Variants in CAMK2D observed in about 807,000 individuals in gnomAD.
CAMK2D encodes calcium/calmodulin dependent protein kinase II delta.
In CAMK2D, 37 loss-of-function variants were observed where a neutral mutation model predicts 84.0. The observed-to-expected ratio is 0.44, with a 90% CI of 0.34 to 0.58. The LOEUF (loss-of-function observed/expected upper bound fraction) is 0.58. Among genes scored for constraint, CAMK2D ranks in the 20% least tolerant of loss-of-function variants. The pLI is 0.02. For synonymous variants in CAMK2D, 202 were observed against 212.5 expected (o/e 0.95, Z 0.43); for missense variants, 448 against 652.5 (o/e 0.69, Z 3.41).
At chr4:113,528,132 G>A (rs762523724) in intron 8 of CAMK2D, among the ~76,000 whole-genome samples, 2 of 152,032 alleles carry the variant, frequency 1.3e-5, no homozygotes, top group Non-Finnish European at 2.9e-5. Context: ...TGATAATCAC[G>A]CCAATAATGC....
chr4:113,761,422 G>C lies in CAMK2D; in HGVS notation c.-354C>G. ...GGCCGGGAAATGGAAAAACAGCCAG[G>C]CACGGGACGAGTGGCAAGCAGTTGC... is the stretch of plus-strand genomic sequence containing the variant. On this transcript the variant is annotated 5_prime_UTR_variant, in exon 1 of 21. Transcript: ENST00000511664. The C allele has an allele frequency of 8.3e-7, 1 of 1,210,666 alleles. No homozygotes were observed. Among genetic ancestry groups the C allele is most frequent in the African/African-American group, 1.6e-5 (1 of 64,248 alleles). 75.0% of individuals were successfully genotyped at this position (1,210,666 alleles called of 1,614,324 possible). A position where few individuals can be genotyped will look rare whatever the true frequency, so the allele number is the denominator to read the frequency against.
chr4:113,610,029 CT>C (rs1011862010), intron 3 of CAMK2D, among the ~76,000 whole-genome samples: 57 of 145,562 alleles, frequency 3.9e-4, no homozygotes, highest in Admixed American at 1.0e-3. Flanking sequence ...AGAGTGAATT[CT>C]TTTTTTTTTT....
chr4:113,550,742 C>A (rs1207247067), intron 5 of CAMK2D, among the ~76,000 whole-genome samples: 6 of 152,160 alleles, frequency 3.9e-5, no homozygotes, highest in African/African-American at 1.4e-4. Flanking sequence ...TTCCCCATGG[C>A]CCCTTTCAGG....
At chr4:113,462,532 G>A (rs1433094763) in intron 17 of CAMK2D, among the ~76,000 whole-genome samples, 1 of 152,088 alleles carries the variant, frequency 6.6e-6, no homozygotes. Flanking sequence ...TGGAAGCCCT[G>A]TTGGATTAGC....
chr4:113,457,557 G>A lies in CAMK2D; in HGVS notation c.1313C>T (p.Ser438Phe). 6.2e-7 allele frequency: 1 copy of A among 1,611,640 alleles called. No individual in the cohort carries two copies. The highest frequency in any genetic ancestry group is 8.5e-7 in the Non-Finnish European group (1 of 1,178,780). The stretch of plus-strand genomic sequence containing the variant: ...AGTGTGGATTGGTTTATTGCTTTTG[G>A]ACAAAGCTGAAAGAGAAAAACATGA... ...FHRFYFENAL[S>F]KSNKPIHTII... The change falls in exon 19 of 21, where the codon TCC (serine) becomes TTC (phenylalanine). Residue 438 changes from serine to phenylalanine, a missense_variant. Around this residue, in one of 7 missense-constraint regions of CAMK2D, gnomAD observed 219 missense variants for 272.1 expected, o/e 0.80. Coordinates refer to ENST00000511664, the MANE Select transcript of CAMK2D (RefSeq NM_001321571.2).
At chr4:113,498,333 G>C (rs897174291) in intron 16 of CAMK2D, among the ~76,000 whole-genome samples, 1 of 151,884 alleles carries the variant, frequency 6.6e-6, no homozygotes, top group Non-Finnish European at 1.5e-5. Context: ...AAAAATGATG[G>C]GGCCTAGGCA....
chr4:113,592,066 TA>T (rs2098890483), intron 4 of CAMK2D, among the ~76,000 whole-genome samples: 1 of 152,192 alleles, frequency 6.6e-6, no homozygotes, highest in South Asian at 2.1e-4. Context: ...GAATGTATTA[TA>T]ATAGCAAATC....
At chr4:113,461,779 C>T (rs936649842) in intron 17 of CAMK2D, among the ~76,000 whole-genome samples, 3 of 152,116 alleles carry the variant, frequency 2.0e-5, no homozygotes, top group African/African-American at 7.2e-5. Flanking sequence ...TAGAGAAATT[C>T]CCCATTTGGG....
intron 2 of CAMK2D, among the ~76,000 whole-genome samples, chr4:113,729,012 G>A (rs1226766708): frequency 2.0e-5 from 3 of 152,120 alleles, no homozygotes; most frequent in Non-Finnish European, 4.4e-5. Context: ...TTATGGCATT[G>A]TAGTTACTGT....
Position 113,761,333 on chromosome 4 carries a change from C to T in CAMK2D, c.-265G>A. 1 of 1,394,708 alleles carries T rather than the reference C, an allele frequency of 7.2e-7. No homozygotes were observed. The highest frequency in any genetic ancestry group is 1.5e-5 in the South Asian group (1 of 65,444). The allele number at this position is 1,394,708 out of a possible 1,614,324, so 86.4% of individuals were successfully genotyped here. On this transcript the variant is annotated 5_prime_UTR_variant, in exon 1 of 21. Transcript: ENST00000511664. The stretch of plus-strand genomic sequence containing the variant: ...TCGCTTCCTTCTTCTCCACTGGACG[C>T]TCCACCCGCCCCTTTTCCAGTCCCT...
intron 3 of CAMK2D, among the ~76,000 whole-genome samples, chr4:113,611,942 A>T (rs1381486274): frequency 6.6e-6 from 1 of 152,104 alleles, no homozygotes; most frequent in African/African-American, 2.4e-5. Context: ...ATTCAGCATC[A>T]TATTTACTTG....
At chr4:113,630,044 T>C (rs2099083319) in intron 3 of CAMK2D, among the ~76,000 whole-genome samples, 1 of 152,154 alleles carries the variant, frequency 6.6e-6, no homozygotes, top group Non-Finnish European at 1.5e-5. Context: ...ACATTTTACT[T>C]AGGTTCACTT....
chr4:113,693,603 C>T (rs2099394586), intron 2 of CAMK2D, among the ~76,000 whole-genome samples: 1 of 152,112 alleles, frequency 6.6e-6, no homozygotes, highest in Non-Finnish European at 1.5e-5. Flanking sequence ...TGCATTCCAC[C>T]TGGGATGGAA....
intron 2 of CAMK2D, among the ~76,000 whole-genome samples, chr4:113,748,494 A>G (rs564880822): frequency 3.7e-4 from 56 of 152,246 alleles, no homozygotes; most frequent in South Asian, 2.7e-3. Context: ...AGAACTATAA[A>G]AAAAGTTATA....
intron 4 of CAMK2D, among the ~76,000 whole-genome samples, chr4:113,562,544 G>A (rs1026662303): frequency 2.6e-5 from 4 of 152,132 alleles, no homozygotes; most frequent in Non-Finnish European, 5.9e-5. Context: ...TTCCCCATGT[G>A]ATTTCTAAGT....
intron 2 of CAMK2D, among the ~76,000 whole-genome samples, chr4:113,694,241 T>A (rs1237081390): frequency 6.6e-6 from 1 of 152,144 alleles, no homozygotes; most frequent in Admixed American, 6.6e-5. Context: ...TCAAGATACA[T>A]TAAAGACTTC....
chr4:113,539,842 T>C (rs2098518265), intron 6 of CAMK2D, among the ~76,000 whole-genome samples: 1 of 152,136 alleles, frequency 6.6e-6, no homozygotes, highest in African/African-American at 2.4e-5. Flanking sequence ...TACAGAATTA[T>C]ATAACGAAAA....
At chr4:113,500,891 T>G (rs558910816) in intron 15 of CAMK2D, among the ~76,000 whole-genome samples, 2 of 152,158 alleles carry the variant, frequency 1.3e-5, no homozygotes, top group Middle Eastern at 6.8e-3. Context: ...ATTTGATACT[T>G]AAAATAGAAA....
intron 2 of CAMK2D, among the ~76,000 whole-genome samples, chr4:113,710,532 C>T (rs933016962): frequency 6.6e-6 from 1 of 152,094 alleles, no homozygotes; most frequent in African/African-American, 2.4e-5. Flanking sequence ...TATTCCTTTC[C>T]TTTTATTCAA....
Sources: gnomAD v4.1 joint callset for allele counts (sites outside exome capture counted in the v4.1 genomes callset) on GRCh38, gnomAD v4.1.1 for gene constraint, gnomAD v4.1.1 regional missense constraint, MANE v1.5 for transcripts, NCBI Gene and HGNC (gene_info 2026-07-23, HGNC 2026-07-21) for gene names.